The following PCYT2 variants were observed in gnomAD, a reference collection of about 807,000 sequenced individuals.
PCYT2 encodes the protein phosphate cytidylyltransferase 2, ethanolamine, also known as ethanolamine-phosphate cytidylyltransferase.
PCYT2 carries 33 observed loss-of-function variants against 50.0 expected under a neutral mutation model. The observed-to-expected ratio is 0.66, with a 90% CI of 0.50 to 0.88. PCYT2 has a LOEUF of 0.88. Among genes scored for constraint, PCYT2 ranks in the 40% least tolerant of loss-of-function variants. The pLI is 0.00. For missense variants in PCYT2, 430 were observed against 519.7 expected (o/e 0.83, Z 1.68); for synonymous variants, 240 against 203.7 (o/e 1.18, Z -1.52).
chr17:81,902,798 A>T lies in PCYT2; in HGVS notation c.*2035T>A. 1 of 1,541,054 alleles carries T rather than the reference A, an allele frequency of 6.5e-7. No homozygotes were observed. The highest frequency in any genetic ancestry group is 1.2e-5 in the South Asian group (1 of 83,240). On this transcript the variant is annotated 3_prime_UTR_variant, in exon 13 of 13. Coordinates refer to ENST00000538936, the MANE Select transcript of PCYT2 (RefSeq NM_002861.5). ...GGGGGCCCCCCGCCCCCACCGTCCC[A>T]CTCGGTGACCCCAGGCCCCTCCGGC... is the stretch of plus-strand genomic sequence containing the variant.
Position 81,902,688 on chromosome 17 carries a change from C to G in PCYT2, c.*2145G>C, listed in dbSNP as rs761768226. 3.7e-6 allele frequency: 6 copies of G among 1,608,854 alleles called. No homozygotes were observed. The highest frequency in any genetic ancestry group is 4.2e-6 in the Non-Finnish European group (5 of 1,178,826). On this transcript the variant is annotated 3_prime_UTR_variant, in exon 13 of 13. Transcript: ENST00000538936. ...AGCGGCTCCCCGACGGCCGCGGGACCTACCAGTGCAAGGCGAACGTCTTCC... is the reference window on the plus strand; with the variant it reads ...AGCGGCTCCCCGACGGCCGCGGGACGTACCAGTGCAAGGCGAACGTCTTCC...
chr17:81,902,719 C>T lies in PCYT2; in HGVS notation c.*2114G>A. The T allele has an allele frequency of 1.2e-6, 2 of 1,608,366 alleles. No individual in the cohort carries two copies. Among genetic ancestry groups the T allele is most frequent in the Non-Finnish European group, 1.7e-6 (2 of 1,178,468 alleles). On this transcript the variant is annotated 3_prime_UTR_variant, in exon 13 of 13. Transcript: ENST00000538936. Reference sequence around the variant, plus strand: ...GTGCAAGGCGAACGTCTTCCTGTCCCTGCGCGCAGCCGACTGCCTCGCCGC... The same window carrying T: ...GTGCAAGGCGAACGTCTTCCTGTCCTTGCGCGCAGCCGACTGCCTCGCCGC...
Position 81,902,876 on chromosome 17 carries a change from A to G in PCYT2, c.*1957T>C, listed in dbSNP as rs1259077598. ...CTCCGCTCACCCCGCAGTTAATGGC[A>G]AACGAATAAATAAATGAGGCGGCCT... On this transcript the variant is annotated 3_prime_UTR_variant, in exon 13 of 13. Transcript: ENST00000538936. 1.0e-5 allele frequency: 8 copies of G among 796,804 alleles called. No individual in the cohort carries two copies. The highest frequency in any genetic ancestry group is 1.5e-5 in the Non-Finnish European group (8 of 536,130). 49.4% of individuals were successfully genotyped at this position (796,804 alleles called of 1,614,324 possible).
intron 11 of PCYT2, 110 bp downstream of exon 11, chr17:81,905,272 G>C: frequency 7.6e-7 from 1 of 1,318,692 alleles, no homozygotes; most frequent in Non-Finnish European, 1.1e-6. Context: ...TGGTGCAGTC[G>C]GAGCAGCTGC....
In PCYT2 at chr17:81,902,460, G is replaced by A; in HGVS notation, c.*2373C>T. 5 of 1,388,308 alleles carry A rather than the reference G, an allele frequency of 3.6e-6. No homozygotes were observed. The highest frequency in any genetic ancestry group is 1.6e-5 in the South Asian group (1 of 60,770). 86.0% of individuals were successfully genotyped at this position (1,388,308 alleles called of 1,614,324 possible). A position where few individuals can be genotyped will look rare whatever the true frequency, so the allele number is the denominator to read the frequency against. On this transcript the variant is annotated 3_prime_UTR_variant, in exon 13 of 13. Coordinates refer to ENST00000538936, the MANE Select transcript of PCYT2 (RefSeq NM_002861.5). ...CGCGGCGCTCCCAGCCCTACAGAGG[G>A]GCGGAACCCCCGGGCGGGGCCGGCG... is the stretch of plus-strand genomic sequence containing the variant.
chr17:81,909,198 G>A, intron 2 of PCYT2, 161 bp from the exon 3 acceptor site: 1 of 1,445,984 alleles, frequency 6.9e-7, no homozygotes, highest in Non-Finnish European at 9.1e-7. Flanking sequence ...CCAACTGGGT[G>A]GCTCTCTTCC....
rs1567876348 is a variant in PCYT2, at chr17:81,902,256, C to A, written c.*2577G>T. On this transcript the variant is annotated 3_prime_UTR_variant, in exon 13 of 13. Transcript: ENST00000538936. Reference sequence around the variant, plus strand: ...CTGCTCCGAGCCCGGACGCCGCCGCCCACCAGTCAGCCGGCGTCCCCATGG... The same window carrying A: ...CTGCTCCGAGCCCGGACGCCGCCGCACACCAGTCAGCCGGCGTCCCCATGG... 5 of 1,237,088 alleles carry A rather than the reference C, an allele frequency of 4.0e-6. No individual in the cohort carries two copies. Among genetic ancestry groups the A allele is most frequent in the Non-Finnish European group, 5.0e-6 (5 of 991,182 alleles). 76.6% of individuals were successfully genotyped at this position (1,237,088 alleles called of 1,614,324 possible). A position where few individuals can be genotyped will look rare whatever the true frequency, so the allele number is the denominator to read the frequency against.
Position 81,904,776 on chromosome 17 carries a change from A to C in PCYT2, c.*57T>G. The C allele has an allele frequency of 8.0e-7, 1 of 1,244,848 alleles. No individual in the cohort carries two copies. The highest frequency in any genetic ancestry group is 1.5e-5 in the African/African-American group (1 of 67,624). 77.1% of individuals were successfully genotyped at this position (1,244,848 alleles called of 1,614,324 possible). A position where few individuals can be genotyped will look rare whatever the true frequency, so the allele number is the denominator to read the frequency against. Reference sequence around the variant, plus strand: ...GGCGGCCCTGCAGAGTCCTATGTCCAAACGCAGAAGGCGCAGAAGCAGAGC... The same window carrying C: ...GGCGGCCCTGCAGAGTCCTATGTCCCAACGCAGAAGGCGCAGAAGCAGAGC... On this transcript the variant is annotated 3_prime_UTR_variant, in exon 13 of 13. Transcript: ENST00000538936.
In PCYT2 at chr17:81,904,736, A is replaced by G; in HGVS notation, c.*97T>C. 1 of 775,270 alleles carries G rather than the reference A, an allele frequency of 1.3e-6. No individual in the cohort carries two copies. Among genetic ancestry groups the G allele is most frequent in the Non-Finnish European group, 2.0e-6 (1 of 489,028 alleles). 48.0% of individuals were successfully genotyped at this position (775,270 alleles called of 1,614,324 possible). A position where few individuals can be genotyped will look rare whatever the true frequency, so the allele number is the denominator to read the frequency against. Reference sequence around the variant, plus strand: ...AGTCCTCACCAGCCCTTCCAGAGCCAGGCCAGTTAGAGAGGGCGGCCCTGC... The same window carrying G: ...AGTCCTCACCAGCCCTTCCAGAGCCGGGCCAGTTAGAGAGGGCGGCCCTGC... On this transcript the variant is annotated 3_prime_UTR_variant, in exon 13 of 13. Transcript: ENST00000538936.
chr17:81,906,602 C>T, intron 7 of PCYT2, 56 bp from the exon 8 acceptor site: 1 of 1,580,864 alleles, frequency 6.3e-7, no homozygotes, highest in Non-Finnish European at 8.7e-7. Flanking sequence ...AGCTCCCTGA[C>T]AGCTCATGCC....
rs2040112559 is a variant in PCYT2, at chr17:81,904,244, C to T, written c.*589G>A. 1 of 152,444 alleles carries T rather than the reference C, an allele frequency of 6.6e-6. No individual in the cohort carries two copies. The allele number at this position is 152,444 out of a possible 1,614,324, so 9.4% of individuals were successfully genotyped here. On this transcript the variant is annotated 3_prime_UTR_variant, in exon 13 of 13. Transcript: ENST00000538936. ...TGGGAGCCCCGCGCAGCACTGCCAC[C>T]AGGCTTTATTCGGTTGTACCAAAGA...
At chr17:81,908,750 G>C (rs2143713973) in intron 3 of PCYT2, 116 bp from the exon 4 acceptor site, 3 of 1,318,388 alleles carry the variant, frequency 2.3e-6, no homozygotes, top group Non-Finnish European at 3.2e-6. Flanking sequence ...ATTTCTAGGT[G>C]GGGGCCCGGA....
intron 2 of PCYT2, 69 bp from the exon 3 acceptor site, chr17:81,909,106 C>T (rs938888760): frequency 6.4e-7 from 1 of 1,567,334 alleles, no homozygotes; most frequent in East Asian, 2.2e-5. Flanking sequence ...AGGCCCCTTC[C>T]CAGCACCCAG....
Position 81,902,581 on chromosome 17 carries a change from G to A in PCYT2, c.*2252C>T. The A allele has an allele frequency of 6.6e-7, 1 of 1,519,168 alleles. No homozygotes were observed. Among genetic ancestry groups the A allele is most frequent in the South Asian group, 1.2e-5 (1 of 81,840 alleles). The allele number at this position is 1,519,168 out of a possible 1,614,324, so 94.1% of individuals were successfully genotyped here. The stretch of plus-strand genomic sequence containing the variant: ...GGGCGGCGGCAGGACGTGGGTGGGG[G>A]TGCGGCGGCCCCTCAGCCTTTGCTT... On this transcript the variant is annotated 3_prime_UTR_variant, in exon 13 of 13. Coordinates refer to ENST00000538936, the MANE Select transcript of PCYT2 (RefSeq NM_002861.5).
chr17:81,902,427 C>G lies in PCYT2; in HGVS notation c.*2406G>C. The G allele has an allele frequency of 7.4e-7, 1 of 1,352,688 alleles. No individual in the cohort carries two copies. The highest frequency in any genetic ancestry group is 9.4e-7 in the Non-Finnish European group (1 of 1,060,060). 83.8% of individuals were successfully genotyped at this position (1,352,688 alleles called of 1,614,324 possible). On this transcript the variant is annotated 3_prime_UTR_variant, in exon 13 of 13. Coordinates refer to ENST00000538936, the MANE Select transcript of PCYT2 (RefSeq NM_002861.5). Reference sequence around the variant, plus strand: ...GGCTGCTGTCCGGCCTCCGCAGGTCCCCGTACGCGCGGCGCTCCCAGCCCT... The same window carrying G: ...GGCTGCTGTCCGGCCTCCGCAGGTCGCCGTACGCGCGGCGCTCCCAGCCCT...
chr17:81,902,815 C>G lies in PCYT2; in HGVS notation c.*2018G>C, dbSNP rs770725160. On this transcript the variant is annotated 3_prime_UTR_variant, in exon 13 of 13. Transcript: ENST00000538936. Reference sequence around the variant, plus strand: ...ACCGTCCCACTCGGTGACCCCAGGCCCCTCCGGCGCGGGATGGCGCCCCAG... The same window carrying G: ...ACCGTCCCACTCGGTGACCCCAGGCGCCTCCGGCGCGGGATGGCGCCCCAG... The G allele has an allele frequency of 4.0e-4, 586 of 1,452,604 alleles. 1 individual carries two copies. The highest frequency in any genetic ancestry group is 5.1e-4 in the Non-Finnish European group (558 of 1,089,232). The allele number at this position is 1,452,604 out of a possible 1,614,324, so 90.0% of individuals were successfully genotyped here.
At chr17:81,911,104 C>T in intron 1 of PCYT2, 163 bp downstream of exon 1, 1 of 1,002,358 alleles carries the variant, frequency 1.0e-6, no homozygotes, top group South Asian at 4.6e-5. Flanking sequence ...CTCTGCAGCC[C>T]GACCCTCCCG....
At chr17:81,905,037 G>C (rs750254749) in intron 12 of PCYT2, 29 bp downstream of exon 12, 3 of 1,599,760 alleles carry the variant, frequency 1.9e-6, no homozygotes, top group South Asian at 2.2e-5. Context: ...CCCATGAGGC[G>C]GCTCCGAGGT....
In PCYT2 at chr17:81,902,802, G is replaced by T; in HGVS notation, c.*2031C>A. 1.3e-6 allele frequency: 2 copies of T among 1,529,774 alleles called. No homozygotes were observed. Among genetic ancestry groups the T allele is most frequent in the Non-Finnish European group, 8.8e-7 (1 of 1,136,274 alleles). 94.8% of individuals were successfully genotyped at this position (1,529,774 alleles called of 1,614,324 possible). A position where few individuals can be genotyped will look rare whatever the true frequency, so the allele number is the denominator to read the frequency against. The stretch of plus-strand genomic sequence containing the variant: ...GCCCCCCGCCCCCACCGTCCCACTC[G>T]GTGACCCCAGGCCCCTCCGGCGCGG... On this transcript the variant is annotated 3_prime_UTR_variant, in exon 13 of 13. Coordinates refer to ENST00000538936, the MANE Select transcript of PCYT2 (RefSeq NM_002861.5).
Sources: allele counts gnomAD v4.1 joint callset, GRCh38; gene constraint gnomAD v4.1.1; transcripts MANE v1.5; gene names NCBI Gene and HGNC (gene_info 2026-07-23, HGNC 2026-07-21).